The following ZC3HAV1 variants were observed in gnomAD, a reference collection of about 807,000 sequenced individuals.
ZC3HAV1 encodes zinc finger CCCH-type containing, antiviral 1.
Under a neutral mutation model 86.6 loss-of-function variants are expected in ZC3HAV1, and 41 were observed. The observed-to-expected ratio is 0.47, with a 90% CI of 0.37 to 0.61. ZC3HAV1 has a LOEUF of 0.61. Among genes scored for constraint, ZC3HAV1 ranks in the 20% least tolerant of loss-of-function variants. The pLI, the probability that ZC3HAV1 is intolerant of heterozygous loss-of-function variation, is 0.00. For missense variants in ZC3HAV1, 964 were observed against 1,141.1 expected (o/e 0.84, Z 2.24); for synonymous variants, 421 against 432.1 (o/e 0.97, Z 0.32).
intron 1 of ZC3HAV1, among the ~76,000 whole-genome samples, chr7:139,095,297 C>T (rs1012913700): frequency 6.6e-6 from 1 of 152,054 alleles, no homozygotes; most frequent in African/African-American, 2.4e-5. Context: ...ATTAAATTGC[C>T]GTGTTATTAG....
intron 6 of ZC3HAV1, among the ~76,000 whole-genome samples, chr7:139,075,575 G>A (rs1318078156): frequency 6.6e-6 from 1 of 152,138 alleles, no homozygotes; most frequent in African/African-American, 2.4e-5. Context: ...GAGTAGCTGG[G>A]ACCACAGGTG....
At chr7:139,099,713 G>A (rs1397028916) in intron 1 of ZC3HAV1, among the ~76,000 whole-genome samples, 2 of 152,166 alleles carry the variant, frequency 1.3e-5, no homozygotes, top group Admixed American at 6.5e-5. Flanking sequence ...GATCACCTGA[G>A]GTCAGGAGTT....
chr7:139,051,666 C>T (rs1291699159), intron 12 of ZC3HAV1, among the ~76,000 whole-genome samples: 2 of 152,158 alleles, frequency 1.3e-5, no homozygotes, highest in Admixed American at 6.5e-5. Context: ...TCAAGTGATC[C>T]TCCCACCTCA....
chr7:139,074,294 A>C (rs1406608475), intron 6 of ZC3HAV1, among the ~76,000 whole-genome samples: 3 of 152,218 alleles, frequency 2.0e-5, no homozygotes, highest in Non-Finnish European at 4.4e-5. Context: ...GTGCCCACAA[A>C]ACTCCTGATT....
intron 7 of ZC3HAV1, among the ~76,000 whole-genome samples, chr7:139,067,099 C>A: frequency 6.6e-6 from 1 of 152,204 alleles, no homozygotes; most frequent in South Asian, 2.1e-4. Flanking sequence ...ATGTTCTCTG[C>A]GCTGTCCTAT....
chr7:139,094,344 T>G (rs1817517627), intron 1 of ZC3HAV1, among the ~76,000 whole-genome samples: 1 of 152,098 alleles, frequency 6.6e-6, no homozygotes, highest in African/African-American at 2.4e-5. Flanking sequence ...GGTTAGAAGC[T>G]GTGGGAACTC....
rs568438188 is a variant in ZC3HAV1 at position 139,101,358 on chromosome 7, G to A, written c.308+7666C>T. On this transcript the variant is annotated intron_variant, in intron 1 of 12. Transcript: ENST00000242351. ...TCGGCTGCCCAGTCTGGGAAGTGAG[G>A]AGCGCCTCTTCCCGGCCGCCATCCC... Among the ~76,000 whole-genome samples, 62 of 145,082 alleles carry A rather than the reference G, an allele frequency of 4.3e-4. 1 individual carries two copies. In the Middle Eastern group the frequency reaches 0.014, roughly 33 times the overall value.
At chr7:139,068,029 T>C (rs1223184656) in intron 7 of ZC3HAV1, among the ~76,000 whole-genome samples, 2 of 74,124 alleles carry the variant, frequency 2.7e-5, no homozygotes, top group Non-Finnish European at 2.5e-5. Flanking sequence ...CTTTCTTTAT[T>C]ATTATTATTA....
chr7:139,053,518 C>A lies in ZC3HAV1; in HGVS notation c.2382G>T (p.Val794=). Residue 794 remains valine (V), a synonymous_variant, in exon 12 of 13, where the codon GTG becomes GTT. Transcript: ENST00000242351. Reference sequence around the variant, plus strand: ...CAAAATTATTCGAACAGATAGATTCCACATAGGCACGGCTTGTCGCATAAA... The same window carrying A: ...CAAAATTATTCGAACAGATAGATTCAACATAGGCACGGCTTGTCGCATAAA... ...LLFYATSRAY[V]ESICSNNFDS... 1 of 1,605,578 alleles carries A rather than the reference C, an allele frequency of 6.2e-7. No individual in the cohort carries two copies. Among genetic ancestry groups the A allele is most frequent in the Non-Finnish European group, 8.5e-7 (1 of 1,177,290 alleles).
intron 6 of ZC3HAV1, 30 bp downstream of exon 6, chr7:139,076,256 T>G (rs1392808824): frequency 3.7e-6 from 6 of 1,613,950 alleles, no homozygotes; most frequent in Non-Finnish European, 4.2e-6. Context: ...TGTTGGACTC[T>G]TGAAAGCCAG....
chr7:139,082,327 T>TA (rs34559728), intron 3 of ZC3HAV1, among the ~76,000 whole-genome samples: 41,549 of 147,818 alleles, frequency 0.28, 6,611 homozygotes, highest in African/African-American at 0.44. Context: ...TGGCTATTAT[T>TA]AAAAAAAAAA....
chr7:139,064,415 T>C (rs1187668190), intron 8 of ZC3HAV1, among the ~76,000 whole-genome samples: 5 of 152,188 alleles, frequency 3.3e-5, no homozygotes, highest in Non-Finnish European at 7.3e-5. Context: ...CAAAGTACTT[T>C]AATCAATGTG....
At chr7:139,067,233 C>G (rs1816631810) in intron 7 of ZC3HAV1, among the ~76,000 whole-genome samples, 1 of 152,072 alleles carries the variant, frequency 6.6e-6, no homozygotes, top group Non-Finnish European at 1.5e-5. Context: ...ACTGCAACCT[C>G]CGCCTCCTGG....
Position 139,098,345 on chromosome 7 carries a change from G to A in ZC3HAV1, c.309-8586C>T, listed in dbSNP as rs945422975. On this transcript the variant is annotated intron_variant, in intron 1 of 12. Coordinates refer to ENST00000242351, the MANE Select transcript of ZC3HAV1 (RefSeq NM_020119.4). ...GAACAGTAAATAGTATACAAATTAA[G>A]AATTTTCCATCATAGAATGTTTAAA... Among the ~76,000 whole-genome samples, 8 of 152,238 alleles carry A rather than the reference G, an allele frequency of 5.3e-5. No homozygotes were observed. The East Asian group carries it at 1.2e-3, about 22-fold the overall frequency.
At chr7:139,072,357 T>C (rs1365472094) in intron 7 of ZC3HAV1, among the ~76,000 whole-genome samples, 1 of 152,104 alleles carries the variant, frequency 6.6e-6, no homozygotes, top group Non-Finnish European at 1.5e-5. Flanking sequence ...GCTAATTTTT[T>C]GTATTTTTAG....
intron 9 of ZC3HAV1, among the ~76,000 whole-genome samples, chr7:139,060,084 T>G (rs981109027): frequency 2.0e-5 from 3 of 152,188 alleles, no homozygotes; most frequent in African/African-American, 7.2e-5. Context: ...CTGCTGCAGT[T>G]CTAAAGCAGA....
At chr7:139,101,078 C>A (rs1043149098) in intron 1 of ZC3HAV1, among the ~76,000 whole-genome samples, 33 of 152,310 alleles carry the variant, frequency 2.2e-4, no homozygotes, top group African/African-American at 7.5e-4. Context: ...CTCCTAACCG[C>A]GAGTGATCCG....
chr7:139,047,696 A>G lies in ZC3HAV1; in HGVS notation c.2607T>C (p.Asp869=), dbSNP rs769281114. The part of the protein sequence containing the change: ...SPPPQFDSCV[D]TRSNPSVFVI... ...CAAAAACGGAGGGATTCGATCTGGT[A>G]TCCACACAGCTGTCGAACTGTGGAG... The change falls in exon 13 of 13, where the codon GAT becomes GAC. Residue 869 remains aspartate (D), a synonymous_variant. Coordinates refer to ENST00000242351, the MANE Select transcript of ZC3HAV1 (RefSeq NM_020119.4). The G allele has an allele frequency of 1.2e-6, 2 of 1,614,128 alleles. No individual in the cohort carries two copies. Among genetic ancestry groups the G allele is most frequent in the Non-Finnish European group, 1.7e-6 (2 of 1,180,024 alleles).
rs1817086533 is a variant in ZC3HAV1 at position 139,080,153 on chromosome 7, G to A, written c.788C>T (p.Ser263Phe). 6.2e-7 allele frequency: 1 copy of A among 1,614,074 alleles called. No homozygotes were observed. The highest frequency in any genetic ancestry group is 1.3e-5 in the African/African-American group (1 of 74,922). Residue 263 changes from serine (S) to phenylalanine (F), a missense_variant, in exon 4 of 13, where the codon TCT becomes TTT. Transcript: ENST00000242351. ...GGACCTCTCAGCAGACGCTGAAGCAGACGCAAGAAATTCTTGGCTGCCCTG... is the reference window on the plus strand; with the variant it reads ...GGACCTCTCAGCAGACGCTGAAGCAAACGCAAGAAATTCTTGGCTGCCCTG... ...FFQGSQEFLA[S>F]ASASAERSCT...
Sources: gnomAD v4.1 joint callset for allele counts (sites outside exome capture counted in the v4.1 genomes callset) on GRCh38, gnomAD v4.1.1 for gene constraint, MANE v1.5 for transcripts, NCBI Gene and HGNC (gene_info 2026-07-23, HGNC 2026-07-21) for gene names.